TRPC5: variants seen among roughly 807,000 people sequenced by gnomAD.
The protein encoded by TRPC5 is transient receptor potential cation channel subfamily C member 5.
Under a neutral mutation model 56.5 loss-of-function variants are expected in TRPC5, and 9 were observed. The ratio of observed to expected loss-of-function variants is 0.16; its 90% CI spans 0.10 to 0.28. The LOEUF is 0.28. Ranked by LOEUF, TRPC5 falls within the 10% of genes least tolerant of loss-of-function variation. The pLI is 1.00. For missense variants in TRPC5, 469 were observed against 748.9 expected (o/e 0.63, Z 4.36); for synonymous variants, 282 against 278.5 (o/e 1.01, Z -0.13).
At chrX:111,982,863 A>G (rs1928118332) in intron 1 of TRPC5, among the ~76,000 whole-genome samples, 2 of 111,197 alleles carry the variant, frequency 1.8e-5, no homozygotes, top group South Asian at 7.8e-4. Flanking sequence ...GTACCCCTAG[A>G]TTTTTGGAAC....
intron 1 of TRPC5, among the ~76,000 whole-genome samples, chrX:111,979,288 G>T (rs2148651740): frequency 9.0e-6 from 1 of 111,325 alleles, no homozygotes; most frequent in African/African-American, 3.2e-5. Context: ...AAGGACCTTT[G>T]AGCCATACTT....
At chrX:111,790,232 A>G (rs1402406661) in intron 7 of TRPC5, among the ~76,000 whole-genome samples, 2 of 111,835 alleles carry the variant, frequency 1.8e-5, no homozygotes, top group Non-Finnish European at 3.8e-5. Context: ...TGCAGCCATA[A>G]AAAAGGATGA....
At chrX:111,888,851 G>A (rs1220902531) in intron 3 of TRPC5, among the ~76,000 whole-genome samples, 2 of 111,368 alleles carry the variant, frequency 1.8e-5, no homozygotes, top group Non-Finnish European at 3.8e-5. Context: ...TGATCAGATT[G>A]TGGATATGTT....
At chrX:112,058,933 G>A (rs1253562052) in intron 1 of TRPC5, among the ~76,000 whole-genome samples, 1 of 111,208 alleles carries the variant, frequency 9.0e-6, no homozygotes, top group Non-Finnish European at 1.9e-5. Context: ...TAAGCAAATT[G>A]CCCAAGGCCT....
chrX:111,972,417 A>G (rs1341118891), intron 1 of TRPC5, among the ~76,000 whole-genome samples: 1 of 112,287 alleles, frequency 8.9e-6, no homozygotes, highest in Non-Finnish European at 1.9e-5. Context: ...CATAGTAGGC[A>G]TTGAGAGGTT....
chrX:111,797,294 T>C (rs1177489314), intron 7 of TRPC5, among the ~76,000 whole-genome samples: 1 of 112,300 alleles, frequency 8.9e-6, no homozygotes, highest in Non-Finnish European at 1.9e-5. Flanking sequence ...TTGAAAGTTT[T>C]GCATTTTTCT....
At chrX:111,886,725 G>A (rs1192469971) in intron 3 of TRPC5, among the ~76,000 whole-genome samples, 2 of 112,054 alleles carry the variant, frequency 1.8e-5, no homozygotes, top group Non-Finnish European at 3.8e-5. Flanking sequence ...CTCTGGTACT[G>A]TGGATTCAAT....
chrX:111,784,300 T>G (rs1174902887), intron 7 of TRPC5, among the ~76,000 whole-genome samples: 7 of 112,052 alleles, frequency 6.2e-5, no homozygotes, highest in Non-Finnish European at 1.3e-4. Flanking sequence ...TAAATTTGAC[T>G]TAATCAAAAT....
At chrX:111,901,564 C>T (rs750020098) in intron 3 of TRPC5, 148 of 198,024 alleles carry the variant, frequency 7.5e-4, no homozygotes, top group African/African-American at 4.2e-3. Context: ...TTTCTCTTGG[C>T]TGTGACAGTC....
At chrX:111,916,739 G>A (rs1300991004) in intron 2 of TRPC5, among the ~76,000 whole-genome samples, 1 of 112,299 alleles carries the variant, frequency 8.9e-6, no homozygotes, top group Non-Finnish European at 1.9e-5. Flanking sequence ...ATAAATTTTT[G>A]AAAAGAAGCC....
At position 111,774,445 on chromosome X, in the gene TRPC5, C is replaced by T. The variant is rs1945862757; in HGVS notation, c.*1868G>A. The T allele has an allele frequency of 9.0e-6, 1 of 111,579 alleles. No homozygotes were observed. The highest frequency in any genetic ancestry group is 3.3e-5 in the African/African-American group (1 of 30,699). The allele number at this position is 111,579 out of a possible 1,213,427, so 9.2% of individuals were successfully genotyped here. A position where few individuals can be genotyped will look rare whatever the true frequency, so the allele number is the denominator to read the frequency against. On this transcript the variant is annotated 3_prime_UTR_variant, in exon 11 of 11. Coordinates refer to ENST00000262839, the MANE Select transcript of TRPC5 (RefSeq NM_012471.3). ...GTAACCTGTGATTAAATGTCAAGGC[C>T]ATTTTATGACAGTCTTAGCGAAGCA... is the stretch of plus-strand genomic sequence containing the variant.
At chrX:111,835,731 G>C (rs1276751438) in intron 6 of TRPC5, among the ~76,000 whole-genome samples, 1 of 111,928 alleles carries the variant, frequency 8.9e-6, no homozygotes, top group Non-Finnish European at 1.9e-5. Context: ...ACTGGGTTAG[G>C]ATCTCAGTTC....
chrX:111,990,649 C>A (rs1185799306), intron 1 of TRPC5, among the ~76,000 whole-genome samples: 4 of 110,522 alleles, frequency 3.6e-5, no homozygotes, highest in Non-Finnish European at 7.6e-5. Flanking sequence ...TATTTCAACC[C>A]CGTGTGTCTA....
intron 3 of TRPC5, among the ~76,000 whole-genome samples, chrX:111,905,609 A>AG (rs1199867844): frequency 7.1e-5 from 8 of 112,045 alleles, no homozygotes; most frequent in Non-Finnish European, 1.1e-4. Context: ...TTCATCTTAA[A>AG]GACCCTAGAA....
intron 1 of TRPC5, among the ~76,000 whole-genome samples, chrX:111,982,681 AAC>A (rs1928113438): frequency 9.0e-6 from 1 of 111,557 alleles, no homozygotes; most frequent in Admixed American, 9.5e-5. Flanking sequence ...GTGGCTGGGC[AAC>A]AGTCTTAATT....
chrX:112,027,326 A>G (rs16986741), intron 1 of TRPC5, among the ~76,000 whole-genome samples: 6,871 of 111,422 alleles, frequency 0.062, 161 homozygotes, highest in African/African-American at 0.073. Context: ...GAAGTTCTGT[A>G]AGTTTAGTTA....
chrX:111,983,854 A>C (rs2148653441), intron 1 of TRPC5, among the ~76,000 whole-genome samples: 2 of 111,861 alleles, frequency 1.8e-5, no homozygotes, highest in South Asian at 7.5e-4. Context: ...AGAACTCCTC[A>C]TAAGGCCATA....
chrX:111,952,613 TC>T (rs1435712133), intron 1 of TRPC5, among the ~76,000 whole-genome samples, 172 bp from the exon 2 acceptor site: 2 of 111,227 alleles, frequency 1.8e-5, no homozygotes, highest in Non-Finnish European at 3.8e-5. Context: ...GGCTTTGGGG[TC>T]AGGAAGACCT....
At chrX:111,949,932 G>A (rs1195133742) in intron 2 of TRPC5, among the ~76,000 whole-genome samples, 1 of 111,676 alleles carries the variant, frequency 9.0e-6, no homozygotes, top group African/African-American at 3.3e-5. Context: ...TTGCAAAAAC[G>A]TGGAACCAAC....
Sources: gnomAD v4.1 joint callset for allele counts (sites outside exome capture counted in the v4.1 genomes callset) on GRCh38, gnomAD v4.1.1 for gene constraint, MANE v1.5 for transcripts, NCBI Gene and HGNC (gene_info 2026-07-23, HGNC 2026-07-21) for gene names.